PPP3CB: variants seen among roughly 807,000 people sequenced by gnomAD.
The protein encoded by PPP3CB is serine/threonine-protein phosphatase 2B catalytic subunit beta isoform.
In PPP3CB, 8 loss-of-function variants were observed where a neutral mutation model predicts 66.4. That is an observed-to-expected ratio of 0.12 (90% confidence interval 0.07 to 0.22). The LOEUF (loss-of-function observed/expected upper bound fraction) is 0.22, where lower values mean the gene tolerates loss of function less well. Ranked by LOEUF, PPP3CB falls within the 10% of genes least tolerant of loss-of-function variation. The pLI is 1.00. For missense variants in PPP3CB, 319 were observed against 642.5 expected, an observed-to-expected ratio of 0.50 and a Z score of 5.44; for synonymous variants, 208 against 221.2, an observed-to-expected ratio of 0.94 and a Z score of 0.53.
intron 10 of PPP3CB, among the ~76,000 whole-genome samples, chr10:73,453,629 T>C (rs1344774212): frequency 1.3e-5 from 2 of 152,144 alleles, no homozygotes. Context: ...ATACAGACCA[T>C]GTTTAATACA....
At chr10:73,495,461 T>C (rs977207028) in intron 1 of PPP3CB, 2 of 171,318 alleles carry the variant, frequency 1.2e-5, no homozygotes, top group South Asian at 2.4e-4. Context: ...AAGCCAGAAG[T>C]GCAGCTGTCG....
chr10:73,471,253 A>T (rs1281907626), intron 5 of PPP3CB, 44 bp from the exon 6 acceptor site: 1 of 1,544,034 alleles, frequency 6.5e-7, no homozygotes. Flanking sequence ...CTCATCAAAA[A>T]GTAAGGATAA....
chr10:73,467,553 C>A lies in PPP3CB; in HGVS notation c.1108G>T (p.Val370Leu). The A allele has an allele frequency of 2.6e-6, 4 of 1,513,472 alleles. No individual in the cohort carries two copies. Among genetic ancestry groups the A allele is most frequent in the South Asian group, 1.3e-5 (1 of 76,134 alleles). The allele number at this position is 1,513,472 out of a possible 1,614,324, so 93.8% of individuals were successfully genotyped here. A position where few individuals can be genotyped will look rare whatever the true frequency, so the allele number is the denominator to read the frequency against. ...TWSLPFVGEK[V>L]TEMLVNVLSI... ...TTTTTTTTAAAAATAAAAATTATACCTTTTTCTCCAACAAACGGTAAAGAC... is the reference window on the plus strand; with the variant it reads ...TTTTTTTTAAAAATAAAAATTATACATTTTTCTCCAACAAACGGTAAAGAC... Residue 370 changes from valine (V) to leucine (L), a missense_variant and splice_region_variant, in exon 9 of 14, where the codon GTG (valine) becomes TTG (leucine). Physicochemically the swap from Val to Leu is conservative, Grantham distance 32 (BLOSUM62 1). Coordinates refer to ENST00000360663, the MANE Select transcript of PPP3CB (RefSeq NM_021132.4).
At chr10:73,462,701 G>A (rs1290508674) in intron 9 of PPP3CB, among the ~76,000 whole-genome samples, 1 of 152,100 alleles carries the variant, frequency 6.6e-6, no homozygotes, top group African/African-American at 2.4e-5. Context: ...TGTAATCCCA[G>A]CACTTTGGGA....
At chr10:73,489,579 T>C (rs574763460) in intron 1 of PPP3CB, among the ~76,000 whole-genome samples, 2 of 152,266 alleles carry the variant, frequency 1.3e-5, no homozygotes, top group African/African-American at 4.8e-5. Flanking sequence ...AAATTAAGGC[T>C]TGGAGATGTT....
At chr10:73,457,368 T>A (rs1383278921) in intron 9 of PPP3CB, among the ~76,000 whole-genome samples, 1 of 150,588 alleles carries the variant, frequency 6.6e-6, no homozygotes, top group Non-Finnish European at 1.5e-5. Flanking sequence ...TCCAGGAGTT[T>A]GAGATTGCAG....
intron 12 of PPP3CB, chr10:73,444,411 GA>G: frequency 1.5e-6 from 1 of 655,852 alleles, no homozygotes; most frequent in Non-Finnish European, 2.4e-6. Context: ...GCTTTTAAAA[GA>G]AAAGGGTGAA....
rs2056394769 is a variant in PPP3CB, at chr10:73,454,611, T to C, written c.1109-122A>G. 5 of 523,178 alleles carry C rather than the reference T, an allele frequency of 9.6e-6. No individual in the cohort carries two copies. In the East Asian group the frequency reaches 9.7e-5, roughly 10 times the overall value. The allele number at this position is 523,178 out of a possible 1,614,324, so 32.4% of individuals were successfully genotyped here. A position where few individuals can be genotyped will look rare whatever the true frequency, so the allele number is the denominator to read the frequency against. ...GCCCAAGAAAGCAAACACATTCTTATACCAAGATCGATGGAATTTAAAAAT... is the reference window on the plus strand; with the variant it reads ...GCCCAAGAAAGCAAACACATTCTTACACCAAGATCGATGGAATTTAAAAAT... On this transcript the variant is annotated intron_variant, in intron 9 of 13. Coordinates refer to ENST00000360663, the MANE Select transcript of PPP3CB (RefSeq NM_021132.4).
At chr10:73,487,695 G>A (rs2057005086) in intron 1 of PPP3CB, among the ~76,000 whole-genome samples, 1 of 151,280 alleles carries the variant, frequency 6.6e-6, no homozygotes, top group African/African-American at 2.4e-5. Flanking sequence ...TATATTTATA[G>A]TGTTTTATTC....
At chr10:73,488,572 A>G (rs1159141925) in intron 1 of PPP3CB, among the ~76,000 whole-genome samples, 4 of 150,946 alleles carry the variant, frequency 2.6e-5, no homozygotes, top group Admixed American at 2.0e-4. Flanking sequence ...AAAAAAAAAA[A>G]GCCTCATCAT....
In PPP3CB at chr10:73,438,212, G is replaced by T; in HGVS notation, c.*30C>A. 1 of 1,600,072 alleles carries T rather than the reference G, an allele frequency of 6.2e-7. No individual in the cohort carries two copies. The highest frequency in any genetic ancestry group is 8.5e-7 in the Non-Finnish European group (1 of 1,170,486). Reference sequence around the variant, plus strand: ...CGGGTGATCTGTCCATTTGGGGCCCGAGATGTGAGAGTCCCTGGGAAGTAG... The same window carrying T: ...CGGGTGATCTGTCCATTTGGGGCCCTAGATGTGAGAGTCCCTGGGAAGTAG... On this transcript the variant is annotated 3_prime_UTR_variant, in exon 14 of 14. Transcript: ENST00000360663.
At chr10:73,438,576 T>C (rs113303275) in intron 13 of PPP3CB, among the ~76,000 whole-genome samples, 156 bp from the exon 14 acceptor site, 7,062 of 152,272 alleles carry the variant, frequency 0.046, 489 homozygotes, top group African/African-American at 0.15. Context: ...TTTCAGTCTT[T>C]CCTTAAAATG....
Position 73,471,608 on chromosome 10 carries a change from T to C in PPP3CB, c.529A>G (p.Ile177Val). ...TCATAGACTCTTTCCGAATACTTAA[T>C]TTTACCTAGAAAAACAAAAAACTAA... Reference protein sequence around the residue: ...EYFTFKQECKIKYSERVYEAC... With the variant: ...EYFTFKQECKVKYSERVYEAC... Residue 177 changes from isoleucine (I) to valine (V), a missense_variant, in exon 5 of 14, where the codon ATT (isoleucine) becomes GTT (valine). Transcript: ENST00000360663. 1.3e-6 allele frequency: 2 copies of C among 1,586,466 alleles called. No homozygotes were observed. The highest frequency in any genetic ancestry group is 8.5e-7 in the Non-Finnish European group (1 of 1,170,496).
intron 10 of PPP3CB, among the ~76,000 whole-genome samples, chr10:73,450,385 A>T (rs2097535123): frequency 6.7e-6 from 1 of 149,556 alleles, no homozygotes; most frequent in African/African-American, 2.5e-5. Context: ...ACAAATAAGG[A>T]AGGGAAATAA....
intron 4 of PPP3CB, 37 bp downstream of exon 4, chr10:73,474,882 C>A: frequency 6.2e-7 from 1 of 1,608,404 alleles, no homozygotes; most frequent in Non-Finnish European, 8.5e-7. Flanking sequence ...CAAAAGAATA[C>A]TGAGGAAGTG....
At chr10:73,438,959 T>C (rs932077107) in intron 13 of PPP3CB, among the ~76,000 whole-genome samples, 5 of 149,592 alleles carry the variant, frequency 3.3e-5, no homozygotes, top group Non-Finnish European at 7.4e-5. Flanking sequence ...TCGCCACCAA[T>C]ATAACATTAA....
intron 1 of PPP3CB, among the ~76,000 whole-genome samples, chr10:73,485,459 G>A (rs1451741504): frequency 6.6e-6 from 1 of 152,138 alleles, no homozygotes; most frequent in Non-Finnish European, 1.5e-5. Flanking sequence ...TGAGGCCTCT[G>A]ACTTCAACGG....
intron 1 of PPP3CB, among the ~76,000 whole-genome samples, chr10:73,492,637 T>TA (rs2057097555): frequency 6.6e-6 from 1 of 152,248 alleles, no homozygotes; most frequent in Non-Finnish European, 1.5e-5. Flanking sequence ...AAAGGGTATA[T>TA]ACCATCTTGC....
At chr10:73,473,441 G>C (rs1254571780) in intron 4 of PPP3CB, among the ~76,000 whole-genome samples, 2 of 152,128 alleles carry the variant, frequency 1.3e-5, no homozygotes, top group East Asian at 3.8e-4. Flanking sequence ...ATTACTTGAG[G>C]TCAGGAGTTA....
Sources: gnomAD v4.1 joint callset for allele counts (sites outside exome capture counted in the v4.1 genomes callset) on GRCh38, gnomAD v4.1.1 for gene constraint, MANE v1.5 for transcripts, NCBI Gene and HGNC (gene_info 2026-07-23, HGNC 2026-07-21) for gene names.